Variants in FGF14 observed in about 807,000 individuals in gnomAD.
FGF14 encodes fibroblast growth factor homologous factor 4.
Under a neutral mutation model 25.5 loss-of-function variants are expected in FGF14, and 5 were observed. The observed-to-expected ratio is 0.20, with a 90% CI of 0.10 to 0.41. The LOEUF (loss-of-function observed/expected upper bound fraction) is 0.41. Ranked by LOEUF, FGF14 falls within the 10% of genes least tolerant of loss-of-function variation. The pLI, the probability that FGF14 is intolerant of heterozygous loss-of-function variation, is 1.00. For missense variants in FGF14, 222 were observed against 320.1 expected, an observed-to-expected ratio of 0.69 and a Z score of 2.34; for synonymous variants, 138 against 118.3, an observed-to-expected ratio of 1.17 and a Z score of -1.08.
chr13:102,084,403 A>G (rs2043791011), intron 1 of FGF14, among the ~76,000 whole-genome samples: 1 of 152,220 alleles, frequency 6.6e-6, no homozygotes, highest in African/African-American at 2.4e-5. Flanking sequence ...AAGAAATTCA[A>G]TGAATAACAG....
chr13:101,898,577 A>G (rs1388489013), intron 1 of FGF14, among the ~76,000 whole-genome samples: 1 of 152,190 alleles, frequency 6.6e-6, no homozygotes, highest in African/African-American at 2.4e-5. Flanking sequence ...TGAGCTTTAT[A>G]TAAGAAAAAC....
chr13:102,172,665 A>C (rs1460361170), intron 1 of FGF14, among the ~76,000 whole-genome samples: 1 of 151,938 alleles, frequency 6.6e-6, no homozygotes, highest in East Asian at 1.9e-4. Flanking sequence ...CTCACTCAGC[A>C]CTCTCTTCAT....
chr13:102,193,397 A>G (rs2049205400), intron 1 of FGF14, among the ~76,000 whole-genome samples: 1 of 152,232 alleles, frequency 6.6e-6, no homozygotes, highest in Admixed American at 6.5e-5. Flanking sequence ...TGAGAACACA[A>G]TAAGGACTTT....
chr13:101,985,163 G>C (rs1456816303), intron 1 of FGF14, among the ~76,000 whole-genome samples: 1 of 148,960 alleles, frequency 6.7e-6, no homozygotes, highest in Non-Finnish European at 1.5e-5. Flanking sequence ...TCCTATAGAA[G>C]CAGACCCTCA....
intron 1 of FGF14, among the ~76,000 whole-genome samples, chr13:102,102,113 A>G (rs890043439): frequency 1.3e-5 from 2 of 152,218 alleles, no homozygotes; most frequent in African/African-American, 4.8e-5. Context: ...AACTGATCCA[A>G]TACAGTTGGT....
At chr13:101,746,663 A>T (rs1486907606) in intron 3 of FGF14, among the ~76,000 whole-genome samples, 1 of 151,994 alleles carries the variant, frequency 6.6e-6, no homozygotes, top group East Asian at 1.9e-4. Flanking sequence ...TTGTGTGATG[A>T]TCAACAGTAG....
At chr13:102,132,242 C>G (rs1286077489) in intron 1 of FGF14, among the ~76,000 whole-genome samples, 5 of 151,992 alleles carry the variant, frequency 3.3e-5, no homozygotes, top group Non-Finnish European at 2.9e-5. Context: ...CAGAGAGAGA[C>G]AACACGGGGA....
chr13:102,020,598 A>G (rs1035212392), intron 1 of FGF14, among the ~76,000 whole-genome samples: 3 of 152,078 alleles, frequency 2.0e-5, no homozygotes, highest in South Asian at 4.1e-4. Flanking sequence ...GAGAGAGAGA[A>G]GAGCAGAAAT....
At chr13:102,332,092 CCT>C (rs1341704491) in intron 1 of FGF14, among the ~76,000 whole-genome samples, 1 of 151,958 alleles carries the variant, frequency 6.6e-6, no homozygotes, top group East Asian at 1.9e-4. Flanking sequence ...TCCTTTTTCT[CCT>C]CTTTGTACTA....
intron 1 of FGF14, among the ~76,000 whole-genome samples, chr13:102,220,469 C>T (rs972442429): frequency 6.6e-6 from 1 of 152,186 alleles, no homozygotes; most frequent in Non-Finnish European, 1.5e-5. Flanking sequence ...AGGACAGCTA[C>T]ATATCTTGAA....
At chr13:102,251,052 C>T (rs1050133622) in intron 1 of FGF14, among the ~76,000 whole-genome samples, 12 of 152,134 alleles carry the variant, frequency 7.9e-5, no homozygotes, top group African/African-American at 2.9e-4. Context: ...GAAAATAAAA[C>T]CTCTGAATTC....
chr13:101,977,163 T>C (rs995103366), intron 1 of FGF14, among the ~76,000 whole-genome samples: 1 of 151,250 alleles, frequency 6.6e-6, no homozygotes, highest in Non-Finnish European at 1.5e-5. Flanking sequence ...GAGTAGAACA[T>C]TAACAACACC....
chr13:102,110,600 A>T (rs2045175267), intron 1 of FGF14, among the ~76,000 whole-genome samples: 1 of 152,198 alleles, frequency 6.6e-6, no homozygotes, highest in African/African-American at 2.4e-5. Flanking sequence ...ACAGAGCCAC[A>T]GATATTTTCT....
chr13:102,089,214 T>A (rs1181121663), intron 1 of FGF14, among the ~76,000 whole-genome samples: 1 of 152,188 alleles, frequency 6.6e-6, no homozygotes, highest in Non-Finnish European at 1.5e-5. Context: ...ACAGCCAGAC[T>A]GTGTTCTGTT....
intron 1 of FGF14, among the ~76,000 whole-genome samples, chr13:101,946,530 T>C (rs898213419): frequency 1.4e-4 from 22 of 152,336 alleles, no homozygotes; most frequent in African/African-American, 5.1e-4. Context: ...GTTGATCCAG[T>C]AGTTCCACTA....
chr13:102,383,258 A>G (rs919305802), intron 1 of FGF14, among the ~76,000 whole-genome samples: 1 of 152,144 alleles, frequency 6.6e-6, no homozygotes, highest in Admixed American at 6.5e-5. Flanking sequence ...TATATCAATT[A>G]TTTTAGATTT....
At chr13:102,340,941 T>C (rs2138901906) in intron 1 of FGF14, among the ~76,000 whole-genome samples, 1 of 152,334 alleles carries the variant, frequency 6.6e-6, no homozygotes, top group Non-Finnish European at 1.5e-5. Flanking sequence ...CTGAGATTTT[T>C]ATTAAGTAAA....
intron 3 of FGF14, among the ~76,000 whole-genome samples, chr13:101,819,083 CCAGT>C (rs1566938397): frequency 1.3e-5 from 2 of 151,694 alleles, no homozygotes; most frequent in African/African-American, 2.4e-5. Context: ...TGCTTTGTAC[CCAGT>C]CAATCATTGT....
intron 1 of FGF14, among the ~76,000 whole-genome samples, chr13:101,929,595 G>A (rs1337893087): frequency 6.6e-6 from 1 of 152,162 alleles, no homozygotes; most frequent in Non-Finnish European, 1.5e-5. Flanking sequence ...AATTACCTGG[G>A]CGTTGTCACG....
Sources: gnomAD v4.1 joint callset for allele counts (sites outside exome capture counted in the v4.1 genomes callset) on GRCh38, gnomAD v4.1.1 for gene constraint, MANE v1.5 for transcripts, NCBI Gene and HGNC (gene_info 2026-07-23, HGNC 2026-07-21) for gene names.